The following LIMK2 variants were observed in gnomAD, a reference collection of about 807,000 sequenced individuals.
The protein encoded by LIMK2 is LIM domain kinase 2.
Under a neutral mutation model 75.7 loss-of-function variants are expected in LIMK2, and 35 were observed. That is an observed-to-expected ratio of 0.46 (90% CI 0.35 to 0.61). The LOEUF is 0.61. Ranked by LOEUF, LIMK2 falls within the 20% of genes least tolerant of loss-of-function variation. The probability of loss-of-function intolerance (pLI) is 0.00; values close to 1 mark genes in which losing one functional copy is unlikely to be tolerated. For missense variants in LIMK2, 623 were observed against 831.0 expected (o/e 0.75, Z 3.08); for synonymous variants, 301 against 319.2 (o/e 0.94, Z 0.61).
intron 11 of LIMK2, 29 bp downstream of exon 11, chr22:31,268,229 G>C: frequency 6.3e-7 from 1 of 1,590,438 alleles, no homozygotes; most frequent in Non-Finnish European, 8.6e-7. Context: ...CCTGCCAGCA[G>C]GGCGAGAGTA....
intron 11 of LIMK2, among the ~76,000 whole-genome samples, chr22:31,269,594 CCT>C (rs1043214101): frequency 6.6e-6 from 1 of 151,470 alleles, no homozygotes; most frequent in African/African-American, 2.4e-5. Context: ...CTGGTGAAAC[CCT>C]GTTTCTACTA....
chr22:31,258,894 G>A, intron 3 of LIMK2: 1 of 493,890 alleles, frequency 2.0e-6, no homozygotes, highest in Non-Finnish European at 3.7e-6. Context: ...TTACTTCTGG[G>A]GATTTCTTCT....
chr22:31,246,850 T>A (rs2048676111), intron 2 of LIMK2, among the ~76,000 whole-genome samples: 1 of 152,094 alleles, frequency 6.6e-6, no homozygotes, highest in Non-Finnish European at 1.5e-5. Flanking sequence ...ACCTATTTCC[T>A]AATCTGTTAA....
chr22:31,229,238 C>G (rs1378717088), intron 2 of LIMK2, among the ~76,000 whole-genome samples: 1 of 152,222 alleles, frequency 6.6e-6, no homozygotes, highest in Non-Finnish European at 1.5e-5. Context: ...GAGCACATCT[C>G]CTGACTTCTG....
At chr22:31,277,014 C>G (rs12160336) in intron 15 of LIMK2, 1 of 1,613,922 alleles carries the variant, frequency 6.2e-7, no homozygotes, top group Non-Finnish European at 8.5e-7. Context: ...TGGAGAGTGA[C>G]GATGCCTGGG....
intron 2 of LIMK2, among the ~76,000 whole-genome samples, chr22:31,232,754 G>A (rs942114087): frequency 2.0e-5 from 3 of 151,862 alleles, no homozygotes; most frequent in Admixed American, 6.6e-5. Context: ...ACACTACCAT[G>A]CCCAGCTAAT....
intron 2 of LIMK2, among the ~76,000 whole-genome samples, chr22:31,227,750 G>C (rs1262415959): frequency 6.6e-6 from 1 of 152,204 alleles, no homozygotes; most frequent in African/African-American, 2.4e-5. Context: ...TATTCTTGCT[G>C]TTTTCCTATG....
intron 4 of LIMK2, 98 bp downstream of exon 4, chr22:31,259,328 G>A (rs1031895934): frequency 1.4e-6 from 1 of 713,190 alleles, no homozygotes; most frequent in Non-Finnish European, 2.6e-6. Flanking sequence ...TGTTAGGGTA[G>A]TCAGAGCATT....
chr22:31,237,551 T>C (rs1420358508), intron 2 of LIMK2, among the ~76,000 whole-genome samples: 1 of 146,074 alleles, frequency 6.8e-6, no homozygotes, highest in African/African-American at 2.5e-5. Flanking sequence ...TGAGATTCCG[T>C]CTCAAAAAAA....
intron 1 of LIMK2, among the ~76,000 whole-genome samples, chr22:31,212,813 G>T (rs1420514600): frequency 6.6e-6 from 1 of 152,124 alleles, no homozygotes; most frequent in Non-Finnish European, 1.5e-5. Context: ...TCTTATAGTG[G>T]AAGCTCTGTG....
intron 2 of LIMK2, among the ~76,000 whole-genome samples, chr22:31,236,867 A>G (rs1601411140): frequency 6.6e-6 from 1 of 151,360 alleles, no homozygotes; most frequent in Non-Finnish European, 1.5e-5. Context: ...CAGTGGGCCA[A>G]CATCATGTCA....
chr22:31,218,033 A>G (rs1401748575), intron 1 of LIMK2, among the ~76,000 whole-genome samples: 1 of 152,178 alleles, frequency 6.6e-6, no homozygotes, highest in African/African-American at 2.4e-5. Flanking sequence ...AAGTTTCTGT[A>G]TTCAGCTTAA....
At chr22:31,233,758 C>T (rs2048547867) in intron 2 of LIMK2, among the ~76,000 whole-genome samples, 1 of 152,242 alleles carries the variant, frequency 6.6e-6, no homozygotes, top group Non-Finnish European at 1.5e-5. Context: ...AGAGGCACCA[C>T]CATCCACCCA....
At chr22:31,238,294 T>C (rs2048596889) in intron 2 of LIMK2, among the ~76,000 whole-genome samples, 1 of 152,220 alleles carries the variant, frequency 6.6e-6, no homozygotes, top group Admixed American at 6.5e-5. Flanking sequence ...GACTCACCAC[T>C]GCCAGGATGA....
At position 31,272,875 on chromosome 22, in the gene LIMK2, A is replaced by G. The variant is rs552415060; in HGVS notation, c.1558+171A>G. The G allele has an allele frequency of 1.5e-4, 215 of 1,402,234 alleles. 7 individuals are homozygous for G. The South Asian group carries it at 3.3e-3, about 21-fold the overall frequency. 86.9% of individuals were successfully genotyped at this position (1,402,234 alleles called of 1,614,324 possible). A position where few individuals can be genotyped will look rare whatever the true frequency, so the allele number is the denominator to read the frequency against. ...GCCTCACGATTTAGCTCCTGAGCTC[A>G]GGGGGCTGGGAACTGATCAGTGTCC... On this transcript the variant is annotated intron_variant, in intron 13 of 15. Coordinates refer to ENST00000331728, the MANE Select transcript of LIMK2 (RefSeq NM_005569.4).
At chr22:31,235,731 G>T (rs1198962178) in intron 2 of LIMK2, among the ~76,000 whole-genome samples, 1 of 152,138 alleles carries the variant, frequency 6.6e-6, no homozygotes, top group Non-Finnish European at 1.5e-5. Flanking sequence ...TGGAAAAAAT[G>T]GAATACTTGC....
intron 15 of LIMK2, 137 bp downstream of exon 15, chr22:31,275,445 C>A: frequency 1.3e-6 from 1 of 783,490 alleles, no homozygotes; most frequent in Non-Finnish European, 2.0e-6. Flanking sequence ...AACCCCTGAG[C>A]CATCTGACAA....
chr22:31,247,791 C>T (rs2048684438), intron 2 of LIMK2, among the ~76,000 whole-genome samples: 1 of 152,172 alleles, frequency 6.6e-6, no homozygotes, highest in Non-Finnish European at 1.5e-5. Context: ...CACATGGAGA[C>T]ACATCAGGTG....
chr22:31,238,464 T>C (rs2048598509), intron 2 of LIMK2, among the ~76,000 whole-genome samples: 1 of 152,184 alleles, frequency 6.6e-6, no homozygotes, highest in Non-Finnish European at 1.5e-5. Flanking sequence ...TAATAGTCAA[T>C]TCATAAGTGT....
Sources: gnomAD v4.1 joint callset for allele counts (sites outside exome capture counted in the v4.1 genomes callset) on GRCh38, gnomAD v4.1.1 for gene constraint, MANE v1.5 for transcripts, NCBI Gene and HGNC (gene_info 2026-07-23, HGNC 2026-07-21) for gene names.